RNF13: variants seen among roughly 807,000 people sequenced by gnomAD.
RNF13 encodes the protein ring finger protein 13.
Under a neutral mutation model 37.7 loss-of-function variants are expected in RNF13, and 19 were observed. The ratio of observed to expected loss-of-function variants is 0.50; its 90% confidence interval spans 0.35 to 0.74. The LOEUF (loss-of-function observed/expected upper bound fraction) is 0.74, where lower values mean the gene tolerates loss of function less well. Ranked by LOEUF, RNF13 falls within the 30% of genes least tolerant of loss-of-function variation. The probability of loss-of-function intolerance (pLI) is 0.01; values close to 1 mark genes in which losing one functional copy is unlikely to be tolerated. For synonymous variants in RNF13, 144 were observed against 157.8 expected, an observed-to-expected ratio of 0.91 and a Z score of 0.65; for missense variants, 375 against 453.0, an observed-to-expected ratio of 0.83 and a Z score of 1.56.
chr3:149,903,399 T>C (rs1438877411), intron 6 of RNF13, among the ~76,000 whole-genome samples: 2 of 152,074 alleles, frequency 1.3e-5, no homozygotes, highest in African/African-American at 4.8e-5. Context: ...AGAAGTAATA[T>C]ATAGATACTA....
chr3:149,932,190 G>T (rs1389592020), intron 8 of RNF13, among the ~76,000 whole-genome samples: 1 of 152,030 alleles, frequency 6.6e-6, no homozygotes, highest in Non-Finnish European at 1.5e-5. Context: ...CTTTCTTTTG[G>T]ACACATATCC....
intron 8 of RNF13, among the ~76,000 whole-genome samples, chr3:149,930,331 T>TTG (rs1719045478): frequency 6.6e-6 from 1 of 152,202 alleles, no homozygotes; most frequent in Non-Finnish European, 1.5e-5. Context: ...CCGTATATAC[T>TTG]TGTGAACTAG....
At chr3:149,958,087 C>G (rs1461880906) in intron 8 of RNF13, among the ~76,000 whole-genome samples, 1 of 152,174 alleles carries the variant, frequency 6.6e-6, no homozygotes, top group Non-Finnish European at 1.5e-5. Flanking sequence ...TAAGAAAGCT[C>G]AGTGATTCCA....
chr3:149,935,612 A>T lies in RNF13; in HGVS notation c.700+14385A>T, dbSNP rs573671892. ...AAAAACATCTTATAAGTTATTCTGA[A>T]TATATGAGAACTCAATGTTGATCAC... is the stretch of plus-strand genomic sequence containing the variant. On this transcript the variant is annotated intron_variant, in intron 8 of 9. Transcript: ENST00000392894. Among the ~76,000 whole-genome samples the T allele has an allele frequency of 2.0e-5, 3 of 152,310 alleles. No homozygotes were observed. In the South Asian group the frequency reaches 6.2e-4, roughly 32 times the overall value.
chr3:149,895,654 A>G, intron 5 of RNF13, 94 bp downstream of exon 5: 1 of 781,500 alleles, frequency 1.3e-6, no homozygotes, highest in South Asian at 2.0e-5. Flanking sequence ...TTCTTTTTAA[A>G]AAGCAAAATT....
chr3:149,879,218 T>G (rs2108456897), intron 4 of RNF13, among the ~76,000 whole-genome samples: 1 of 152,310 alleles, frequency 6.6e-6, no homozygotes, highest in South Asian at 2.1e-4. Context: ...AATGAATTTC[T>G]GTGTACTCAA....
intron 4 of RNF13, among the ~76,000 whole-genome samples, chr3:149,890,701 C>T (rs1218543992): frequency 6.6e-6 from 1 of 152,138 alleles, no homozygotes. Flanking sequence ...TAAGTCAAGT[C>T]ACTATGTTTT....
At chr3:149,858,759 A>G (rs1286691379) in intron 3 of RNF13, among the ~76,000 whole-genome samples, 1 of 152,214 alleles carries the variant, frequency 6.6e-6, no homozygotes, top group Non-Finnish European at 1.5e-5. Flanking sequence ...TTTTTCTTAT[A>G]TGATGTATAA....
At chr3:149,859,404 A>T (rs1276015407) in intron 3 of RNF13, among the ~76,000 whole-genome samples, 4 of 152,210 alleles carry the variant, frequency 2.6e-5, no homozygotes, top group African/African-American at 9.7e-5. Flanking sequence ...TTATTCATTT[A>T]TTAAATGAAG....
chr3:149,930,429 A>T (rs1719055269), intron 8 of RNF13, among the ~76,000 whole-genome samples: 1 of 152,210 alleles, frequency 6.6e-6, no homozygotes. Context: ...CCACTTGGTC[A>T]TGGTGTATAA....
Position 149,926,178 on chromosome 3 carries a change from T to C in RNF13, c.700+4951T>C, listed in dbSNP as rs142936335. 3.3e-3 allele frequency among the ~76,000 whole-genome samples: 495 copies of C among 152,292 alleles called. 1 individual carries two copies. The highest frequency in any genetic ancestry group is 0.011 in the African/African-American group (473 of 41,580). The stretch of plus-strand genomic sequence containing the variant: ...GTTTATGGACCAGAATTCTTGCCTT[T>C]CATGGTAGTATTCTTCTATTTTTGT... On this transcript the variant is annotated intron_variant, in intron 8 of 9. Transcript: ENST00000392894.
chr3:149,854,655 G>A (rs1397760815), intron 3 of RNF13, among the ~76,000 whole-genome samples: 1 of 152,160 alleles, frequency 6.6e-6, no homozygotes, highest in Non-Finnish European at 1.5e-5. Flanking sequence ...TTATAGATGA[G>A]TGGTGCAGCC....
intron 4 of RNF13, among the ~76,000 whole-genome samples, chr3:149,886,355 C>A (rs555607337): frequency 6.6e-6 from 1 of 152,248 alleles, no homozygotes; most frequent in East Asian, 1.9e-4. Context: ...TTCTTCCAAT[C>A]TATGAACATG....
chr3:149,912,590 G>A (rs2108519524), intron 7 of RNF13, among the ~76,000 whole-genome samples: 2 of 152,174 alleles, frequency 1.3e-5, no homozygotes, highest in South Asian at 4.1e-4. Flanking sequence ...GTATTGATGG[G>A]TAAATAGGGT....
intron 4 of RNF13, among the ~76,000 whole-genome samples, chr3:149,878,050 T>C (rs1712949958): frequency 6.6e-6 from 1 of 152,196 alleles, no homozygotes; most frequent in South Asian, 2.1e-4. Context: ...CTGAAAAATA[T>C]TAATTTACAT....
chr3:149,933,688 A>G (rs1044534320), intron 8 of RNF13, among the ~76,000 whole-genome samples: 3 of 151,210 alleles, frequency 2.0e-5, no homozygotes, highest in African/African-American at 4.9e-5. Flanking sequence ...GGTTCAAGCA[A>G]TTCTCCTGCC....
chr3:149,883,448 A>C (rs1176721205), intron 4 of RNF13, among the ~76,000 whole-genome samples: 1 of 151,942 alleles, frequency 6.6e-6, no homozygotes, highest in Non-Finnish European at 1.5e-5. Flanking sequence ...TGTATGTATC[A>C]TCCATTTCTC....
chr3:149,819,030 C>A (rs1225305804), intron 1 of RNF13, among the ~76,000 whole-genome samples: 1 of 152,124 alleles, frequency 6.6e-6, no homozygotes, highest in Non-Finnish European at 1.5e-5. Context: ...TGGGTGTCAC[C>A]CAACATTCCC....
chr3:149,902,928 C>A (rs1385716508), intron 6 of RNF13, among the ~76,000 whole-genome samples: 1 of 152,120 alleles, frequency 6.6e-6, no homozygotes, highest in Non-Finnish European at 1.5e-5. Flanking sequence ...TCCATTTAAT[C>A]CTCACAACAA....
Sources: gnomAD v4.1 joint callset for allele counts (sites outside exome capture counted in the v4.1 genomes callset) on GRCh38, gnomAD v4.1.1 for gene constraint, MANE v1.5 for transcripts, NCBI Gene and HGNC (gene_info 2026-07-23, HGNC 2026-07-21) for gene names.